UNC13B: variants seen among roughly 807,000 people sequenced by gnomAD.
UNC13B encodes unc-13 homolog B.
A neutral mutation model predicts 211.0 loss-of-function variants in UNC13B; 144 were observed. The ratio of observed to expected loss-of-function variants is 0.68; its 90% confidence interval spans 0.60 to 0.78. UNC13B has a LOEUF of 0.78. Ranked by LOEUF, UNC13B falls within the 30% of genes least tolerant of loss-of-function variation. UNC13B has a pLI of 0.00. For synonymous variants in UNC13B, 709 were observed against 725.8 expected (o/e 0.98, Z 0.37); for missense variants, 1,777 against 2,002.0 (o/e 0.89, Z 2.14).
intron 11 of UNC13B, among the ~76,000 whole-genome samples, chr9:35,332,842 A>G (rs1831450101): frequency 6.6e-6 from 1 of 152,144 alleles, no homozygotes; most frequent in South Asian, 2.1e-4. Context: ...TGTTAATCAC[A>G]TTGTCCTGGA....
intron 7 of UNC13B, among the ~76,000 whole-genome samples, chr9:35,269,187 AT>A (rs1025001432): frequency 4.6e-5 from 7 of 152,204 alleles, no homozygotes; most frequent in African/African-American, 1.7e-4. Context: ...CCAACTGGCT[AT>A]AAACTGGAGT....
intron 1 of UNC13B, among the ~76,000 whole-genome samples, chr9:35,180,504 G>T (rs1821876733): frequency 6.6e-6 from 1 of 151,798 alleles, no homozygotes; most frequent in Non-Finnish European, 1.5e-5. Flanking sequence ...CTTGCTTCAT[G>T]TGAGCATAAA....
chr9:35,316,993 A>T (rs1830491768), intron 11 of UNC13B, among the ~76,000 whole-genome samples: 1 of 152,180 alleles, frequency 6.6e-6, no homozygotes, highest in Non-Finnish European at 1.5e-5. Context: ...TTTGTTAATA[A>T]ACATTAAAAA....
At chr9:35,236,425 CAT>C (rs1259306699) in intron 3 of UNC13B, 42 bp from the exon 4 acceptor site, 2 of 1,489,270 alleles carry the variant, frequency 1.3e-6, no homozygotes, top group Non-Finnish European at 1.9e-6. Context: ...TTGTTTCTTT[CAT>C]ATTGTCTAGC....
intron 13 of UNC13B, among the ~76,000 whole-genome samples, chr9:35,372,518 A>G (rs953737432): frequency 5.7e-5 from 7 of 122,106 alleles, no homozygotes; most frequent in African/African-American, 2.2e-4. Flanking sequence ...TGGCAGATAC[A>G]TGGGGCCCCT....
At chr9:35,231,610 A>T (rs545694817) in intron 3 of UNC13B, among the ~76,000 whole-genome samples, 1 of 152,308 alleles carries the variant, frequency 6.6e-6, no homozygotes, top group African/African-American at 2.4e-5. Flanking sequence ...TCTTTGAAGG[A>T]ATGTGGCCAT....
intron 22 of UNC13B, chr9:35,384,980 A>G (rs1171265283): frequency 1.1e-6 from 1 of 941,736 alleles, no homozygotes; most frequent in Non-Finnish European, 1.3e-6. Flanking sequence ...TCAAAAAGAA[A>G]TGAGGTTTTA....
chr9:35,289,420 G>A (rs1395475492), intron 7 of UNC13B, among the ~76,000 whole-genome samples: 1 of 152,000 alleles, frequency 6.6e-6, no homozygotes, highest in Non-Finnish European at 1.5e-5. Flanking sequence ...CTTTTTTTCT[G>A]CTTCTTATTT....
In UNC13B at chr9:35,301,897, A is replaced by G; in HGVS notation, c.2493A>G (p.Ser831=). 5.0e-6 allele frequency: 2 copies of G among 398,872 alleles called. No individual in the cohort carries two copies. The allele number at this position is 398,872 out of a possible 1,614,324, so 24.7% of individuals were successfully genotyped here. A position where few individuals can be genotyped will look rare whatever the true frequency, so the allele number is the denominator to read the frequency against. ...AGACTTGTTCAAAGGAAAGTTTGTC[A>G]GAACCTGTGAAAATTCGCCAGGTGG... ...SPETCSKESL[S]EPVKIRQVEE... is the part of the protein sequence containing the mutation. Residue 831 remains serine (S), a synonymous_variant, in exon 9 of 40, where the codon TCA becomes TCG. Transcript: ENST00000635942.
chr9:35,352,483 A>T, intron 11 of UNC13B: 1 of 1,232,138 alleles, frequency 8.1e-7, no homozygotes, highest in Non-Finnish European at 1.0e-6. Flanking sequence ...AGGAGTCTAT[A>T]TCATTTTTTC....
Position 35,302,724 on chromosome 9 carries a change from CAG to C in UNC13B, c.3321_3322del (p.Val1108SerfsTer19). The stretch of plus-strand genomic sequence containing the variant: ...AAGAATCTTATACAAGCAGCATCTT[CAG>C]TAGCATCAGACTCTTCATTAGAGTG... On this transcript the variant is annotated frameshift_variant, in exon 9 of 40. Transcript: ENST00000635942. LOFTEE classifies it high-confidence loss of function. The C allele has an allele frequency of 2.5e-6, 1 of 398,636 alleles. No individual in the cohort carries two copies. The highest frequency in any genetic ancestry group is 3.6e-5 in the East Asian group (1 of 28,054). 24.7% of individuals were successfully genotyped at this position (398,636 alleles called of 1,614,324 possible). A position where few individuals can be genotyped will look rare whatever the true frequency, so the allele number is the denominator to read the frequency against.
At chr9:35,232,177 C>CTTATTTTTTTTTTTTTTTTTTTT (rs1825242883) in intron 3 of UNC13B, among the ~76,000 whole-genome samples, 1 of 31,536 alleles carries the variant, frequency 3.2e-5, no homozygotes, top group Non-Finnish European at 5.9e-5. Flanking sequence ...TATATTGCTG[C>CTTATTTTTTTTTTTTTTTTTTTT]TTTTTTTTTT....
chr9:35,185,040 A>G (rs922483694), intron 1 of UNC13B, among the ~76,000 whole-genome samples: 2 of 152,138 alleles, frequency 1.3e-5, no homozygotes, highest in Non-Finnish European at 2.9e-5. Context: ...CCTCAAACAT[A>G]TTGAGTATTC....
At chr9:35,270,343 G>A (rs1336640799) in intron 7 of UNC13B, among the ~76,000 whole-genome samples, 20 of 23,022 alleles carry the variant, frequency 8.7e-4, no homozygotes, top group Non-Finnish European at 2.3e-3. Flanking sequence ...ATATATATGT[G>A]TGTGTGTGTG....
intron 16 of UNC13B, 32 bp from the exon 17 acceptor site, chr9:35,378,261 ACT>A (rs1230443867): frequency 1.2e-6 from 2 of 1,613,454 alleles, no homozygotes; most frequent in Admixed American, 1.7e-5. Context: ...CTTCTGAACG[ACT>A]CTGAAGCCTC....
At chr9:35,387,434 C>T (rs1214776551) in intron 24 of UNC13B, among the ~76,000 whole-genome samples, 2 of 152,184 alleles carry the variant, frequency 1.3e-5, no homozygotes, top group Non-Finnish European at 2.9e-5. Context: ...GTATTTAAGG[C>T]TTCTTCCTTT....
intron 3 of UNC13B, among the ~76,000 whole-genome samples, chr9:35,233,972 G>C (rs1174487934): frequency 6.6e-6 from 1 of 152,180 alleles, no homozygotes; most frequent in Admixed American, 6.5e-5. Context: ...TCTCCCTAGA[G>C]AGTTCTCTGA....
intron 2 of UNC13B, among the ~76,000 whole-genome samples, chr9:35,228,590 G>A (rs1825001311): frequency 6.6e-6 from 1 of 151,736 alleles, no homozygotes; most frequent in Non-Finnish European, 1.5e-5. Context: ...GAGAGTGTGT[G>A]TATATGTATC....
intron 1 of UNC13B, among the ~76,000 whole-genome samples, chr9:35,174,137 T>TCC (rs1421426451): frequency 1.3e-5 from 2 of 151,598 alleles, no homozygotes; most frequent in Non-Finnish European, 2.9e-5. Flanking sequence ...CCTAGACCTC[T>TCC]CTCTCTCTCT....
Sources: allele counts gnomAD v4.1 joint callset (sites outside exome capture counted in the v4.1 genomes callset), GRCh38; gene constraint gnomAD v4.1.1; transcripts MANE v1.5; gene names NCBI Gene and HGNC (gene_info 2026-07-23, HGNC 2026-07-21).